The following RPL3 variants were observed in gnomAD, a reference collection of about 807,000 sequenced individuals.
RPL3 encodes ribosomal protein L3, also known as large ribosomal subunit protein uL3.
Under a neutral mutation model 46.0 loss-of-function variants are expected in RPL3, and 3 were observed. That is an observed-to-expected ratio of 0.07 (90% CI 0.03 to 0.17). The LOEUF (loss-of-function observed/expected upper bound fraction) is 0.17, where lower values mean the gene tolerates loss of function less well. Ranked by LOEUF, RPL3 falls within the 10% of genes least tolerant of loss-of-function variation. The pLI, the probability that RPL3 is intolerant of heterozygous loss-of-function variation, is 1.00. For missense variants in RPL3, 387 were observed against 532.7 expected (o/e 0.73, Z 2.69); for synonymous variants, 224 against 190.8 (o/e 1.17, Z -1.43).
chr22:39,319,266 G>A (rs115704021), intron 1 of RPL3: 32 of 512,298 alleles, frequency 6.2e-5, no homozygotes, highest in Non-Finnish European at 9.7e-5. Context: ...AGACAAGCAG[G>A]TTATGGGCCC....
At chr22:39,318,665 A>C in intron 1 of RPL3, 73 bp from the exon 2 acceptor site, 1 of 1,312,196 alleles carries the variant, frequency 7.6e-7, no homozygotes, top group Non-Finnish European at 1.0e-6. Flanking sequence ...CAGCTGCTTA[A>C]GTTCCAAATC....
At chr22:39,319,459 C>A (rs1435030644) in intron 1 of RPL3, 136 bp downstream of exon 1, 12 of 1,228,840 alleles carry the variant, frequency 9.8e-6, no homozygotes, top group African/African-American at 1.5e-5. Flanking sequence ...ATAGGCCAGA[C>A]TGAAGTCCCC....
Position 39,313,278 on chromosome 22 carries a change from C to T in RPL3, c.1080G>A (p.Leu360=), listed in dbSNP as rs1433865591. The T allele has an allele frequency of 1.2e-6, 2 of 1,613,422 alleles. No individual in the cohort carries two copies. The highest frequency in any genetic ancestry group is 8.5e-7 in the Non-Finnish European group (1 of 1,179,740). ...CAATGAACTTAAGGTCAATCTTCTC[C>T]AGAGCCCGCCGCTTCGTCTGCACCA... The part of the protein sequence containing the change: ...SLLVQTKRRA[L]EKIDLKFIDT... Residue 360 remains leucine (L), a synonymous_variant, in exon 9 of 10, where the codon CTG becomes CTA. Coordinates refer to ENST00000216146, the MANE Select transcript of RPL3 (RefSeq NM_000967.4).
intron 2 of RPL3, chr22:39,318,182 C>A (rs557110302): frequency 7.3e-6 from 4 of 546,606 alleles, no homozygotes; most frequent in Non-Finnish European, 1.3e-5. Context: ...AATCAATACC[C>A]CACACCGCAC....
intron 2 of RPL3, chr22:39,317,930 T>G: frequency 4.9e-6 from 2 of 412,072 alleles, no homozygotes; most frequent in Non-Finnish European, 8.9e-6. Context: ...GCCCTAACAA[T>G]AGCTCTGAGC....
In RPL3 at chr22:39,319,417, C is replaced by A. The variant is rs371787241; in HGVS notation, c.3+178G>T. The A allele has an allele frequency of 6.5e-4, 539 of 833,360 alleles. 2 individuals are homozygous for A. The highest frequency in any genetic ancestry group is 4.9e-3 in the Middle Eastern group (16 of 3,264). 51.6% of individuals were successfully genotyped at this position (833,360 alleles called of 1,614,324 possible). On this transcript the variant is annotated intron_variant, in intron 1 of 9. Transcript: ENST00000216146. Reference sequence around the variant, plus strand: ...GCAGGCCCAAAGCCAGTCCTCCAAGCGCTCTTCACAAGCCTCTCGACTTTC... The same window carrying A: ...GCAGGCCCAAAGCCAGTCCTCCAAGAGCTCTTCACAAGCCTCTCGACTTTC...
intron 4 of RPL3, among the ~76,000 whole-genome samples, 155 bp downstream of exon 4, chr22:39,316,551 G>C (rs1277252331): frequency 6.6e-6 from 1 of 152,170 alleles, no homozygotes; most frequent in African/African-American, 2.4e-5. Context: ...ATTTTAAAGG[G>C]GAATGGTTCC....
At chr22:39,316,232 T>A (rs1922680347) in intron 4 of RPL3, among the ~76,000 whole-genome samples, 1 of 66,998 alleles carries the variant, frequency 1.5e-5, no homozygotes, top group South Asian at 9.0e-4. Flanking sequence ...AGAACGAAAT[T>A]CTGTCTCTAA....
In RPL3 at chr22:39,317,649, G is replaced by C; in HGVS notation, c.197-20C>G. On this transcript the variant is annotated intron_variant, in intron 2 of 9. Transcript: ENST00000216146. ...TCACCTCTGCAAAAAAAAAGCAGTA[G>C]TCAGACTTGGCAGGAGCCCAAGCAA... 1 of 1,610,736 alleles carries C rather than the reference G, an allele frequency of 6.2e-7. No homozygotes were observed.
intron 5 of RPL3, 99 bp from the exon 6 acceptor site, chr22:39,314,945 G>A (rs997641601): frequency 4.7e-6 from 7 of 1,496,196 alleles, no homozygotes; most frequent in South Asian, 1.2e-5. Flanking sequence ...GTCATCTGAG[G>A]GAGTGATAAG....
intron 3 of RPL3, 94 bp downstream of exon 3, chr22:39,317,367 G>T: frequency 7.2e-7 from 1 of 1,392,324 alleles, no homozygotes; most frequent in Non-Finnish European, 9.8e-7. Context: ...GCAGCTCCCT[G>T]CCTGCTACAG....
At chr22:39,313,994 A>T in intron 7 of RPL3, 113 bp downstream of exon 7, 1 of 907,904 alleles carries the variant, frequency 1.1e-6, no homozygotes, top group Non-Finnish European at 1.9e-6. Flanking sequence ...GGACACAGCT[A>T]GGTGTTGTGT....
At chr22:39,317,162 C>T (rs1332191399) in intron 3 of RPL3, 4 of 577,496 alleles carry the variant, frequency 6.9e-6, no homozygotes, top group Admixed American at 6.2e-5. Context: ...GAGGCCCTTG[C>T]CACCCCTATA....
intron 9 of RPL3, 95 bp from the exon 10 acceptor site, chr22:39,313,079 A>G: frequency 1.9e-6 from 3 of 1,606,154 alleles, no homozygotes; most frequent in Non-Finnish European, 2.6e-6. Context: ...CAGTCTCCAC[A>G]GCCACAAGAG....
chr22:39,313,402 C>T (rs1042845256), intron 8 of RPL3, 92 bp from the exon 9 acceptor site: 60 of 1,566,050 alleles, frequency 3.8e-5, no homozygotes, highest in Non-Finnish European at 4.9e-5. Context: ...GGAAGCCACA[C>T]GATCAATTCA....
At position 39,313,144 on chromosome 22, in the gene RPL3, T is replaced by TGC. The variant is rs1473350746; in HGVS notation, c.1167+45_1167+46dup. ...CCGGCTGGAGCCAAAGGCAGGCGGC[T>TGC]GCCCAAGCCACCACACCCAGCGAGG... is the stretch of plus-strand genomic sequence containing the variant. On this transcript the variant is annotated intron_variant, in intron 9 of 9. Transcript: ENST00000216146. The TGC allele has an allele frequency of 1.9e-6, 3 of 1,600,298 alleles. No homozygotes were observed. The African/African-American group carries it at 4.0e-5, about 21-fold the overall frequency.
At chr22:39,314,331 C>T in intron 6 of RPL3, 123 bp from the exon 7 acceptor site, 1 of 850,706 alleles carries the variant, frequency 1.2e-6, no homozygotes, top group Non-Finnish European at 1.9e-6. Flanking sequence ...CACAGCGTAT[C>T]CCAAGGTCAG....
In RPL3 at chr22:39,313,509, C is replaced by T. The variant is rs1922485625; in HGVS notation, c.1047+125G>A. 4 of 1,247,132 alleles carry T rather than the reference C, an allele frequency of 3.2e-6. No individual in the cohort carries two copies. In the Admixed American group the frequency reaches 7.8e-5, roughly 24 times the overall value. 77.3% of individuals were successfully genotyped at this position (1,247,132 alleles called of 1,614,324 possible). ...TTTCCTCATCTCAGGACTTCAAAGCCAGTGTGAAAGGACTGCCAACACCCT... is the reference window on the plus strand; with the variant it reads ...TTTCCTCATCTCAGGACTTCAAAGCTAGTGTGAAAGGACTGCCAACACCCT... On this transcript the variant is annotated intron_variant, in intron 8 of 9. Coordinates refer to ENST00000216146, the MANE Select transcript of RPL3 (RefSeq NM_000967.4).
rs760074726 is a variant in RPL3, at chr22:39,319,585, C to T, written c.3+10G>A. 4.5e-6 allele frequency: 7 copies of T among 1,565,050 alleles called. No homozygotes were observed. In the South Asian group the frequency reaches 7.0e-5, roughly 16 times the overall value. On this transcript the variant is annotated intron_variant, in intron 1 of 9. Coordinates refer to ENST00000216146, the MANE Select transcript of RPL3 (RefSeq NM_000967.4). ...GGTGACAATGAAACGGCCGCCATTA[C>T]AACACATACCATCACGCCATCAAAT...
Sources: allele counts gnomAD v4.1 joint callset (sites outside exome capture counted in the v4.1 genomes callset), GRCh38; gene constraint gnomAD v4.1.1; transcripts MANE v1.5; gene names NCBI Gene and HGNC (gene_info 2026-07-23, HGNC 2026-07-21).